The following PCNX2 variants were observed in gnomAD, a reference collection of about 807,000 sequenced individuals.
The protein encoded by PCNX2 is pecanex 2.
Under a neutral mutation model 223.8 loss-of-function variants are expected in PCNX2, and 168 were observed. The observed-to-expected ratio is 0.75, with a 90% confidence interval of 0.66 to 0.85. The LOEUF (loss-of-function observed/expected upper bound fraction) is 0.85, where lower values mean the gene tolerates loss of function less well. Among genes scored for constraint, PCNX2 ranks in the 40% least tolerant of loss-of-function variants. The pLI is 0.00. For missense variants in PCNX2, 2,507 were observed against 2,675.5 expected (o/e 0.94, Z 1.39); for synonymous variants, 1,006 against 1,052.6 (o/e 0.96, Z 0.86).
intron 32 of PCNX2, among the ~76,000 whole-genome samples, chr1:232,988,006 C>G (rs1669556187): frequency 6.6e-6 from 1 of 152,234 alleles, no homozygotes; most frequent in Non-Finnish European, 1.5e-5. Context: ...GCCCACCCGC[C>G]TCTGCTGCAG....
At chr1:233,262,538 T>C (rs1287241491) in intron 2 of PCNX2, among the ~76,000 whole-genome samples, 1 of 152,208 alleles carries the variant, frequency 6.6e-6, no homozygotes, top group Admixed American at 6.5e-5. Flanking sequence ...ACAAGAATGG[T>C]GAAAAGAATG....
At chr1:233,254,794 G>A (rs879591794) in intron 5 of PCNX2, among the ~76,000 whole-genome samples, 7 of 149,974 alleles carry the variant, frequency 4.7e-5, no homozygotes, top group Non-Finnish European at 1.0e-4. Context: ...TAATGTTATT[G>A]GATATTCATC....
At chr1:233,093,622 C>T (rs1193651861) in intron 22 of PCNX2, among the ~76,000 whole-genome samples, 1 of 152,008 alleles carries the variant, frequency 6.6e-6, no homozygotes, top group Admixed American at 6.6e-5. Flanking sequence ...CAAATATCTA[C>T]CTTTACAACT....
chr1:233,305,591 G>T, the PCNX2 span, among the ~76,000 whole-genome samples: 2 of 151,978 alleles, frequency 1.3e-5, no homozygotes, highest in African/African-American at 4.8e-5. Context: ...GACTACAGGC[G>T]TGTGCTCCCA....
rs1011741317 is a variant in PCNX2 at position 233,000,444 on chromosome 1, T to A, written c.5189A>T (p.Glu1730Val). The A allele has an allele frequency of 6.3e-7, 1 of 1,598,578 alleles. No homozygotes were observed. Among genetic ancestry groups the A allele is most frequent in the Non-Finnish European group, 8.5e-7 (1 of 1,171,152 alleles). Residue 1730 changes from glutamate to valine, a missense_variant, in exon 30 of 34, where the codon GAG (glutamate) becomes GTG (valine). Glu to Val is a moderately radical substitution (Grantham distance 121). Coordinates refer to ENST00000258229, the MANE Select transcript of PCNX2 (RefSeq NM_014801.4). The surrounding 1 kb of genome is among the most constrained non-coding windows in gnomAD (Gnocchi z 4.6). ...TGCGCCCCGCCAGGCCGGGTCGCCC[T>A]CGTGGCAGATGACCACCTTCTTCTC... ...SFEKKVVICH[E>V]GDPAWRGAVL...
chr1:233,111,441 C>A (rs949619721), intron 21 of PCNX2, among the ~76,000 whole-genome samples: 9 of 152,134 alleles, frequency 5.9e-5, no homozygotes, highest in African/African-American at 2.2e-4. Context: ...CAGAGTCTTG[C>A]TCTGTTGTCC....
chr1:233,308,846 G>T, the PCNX2 span, among the ~76,000 whole-genome samples: 2 of 152,042 alleles, frequency 1.3e-5, no homozygotes, highest in East Asian at 3.9e-4. Context: ...TAAAGTAAAA[G>T]AAACAAATGA....
At chr1:233,327,309 C>T in the PCNX2 span, among the ~76,000 whole-genome samples, 1 of 151,578 alleles carries the variant, frequency 6.6e-6, no homozygotes, top group African/African-American at 2.4e-5. Context: ...GGGCGCGGCT[C>T]ACCATTGCTC....
At chr1:233,014,639 A>G in intron 28 of PCNX2, 26 bp downstream of exon 28, 1 of 1,583,950 alleles carries the variant, frequency 6.3e-7, no homozygotes, top group Non-Finnish European at 8.7e-7. Context: ...TGTACCTAAG[A>G]GATTCTAACT....
At chr1:233,078,030 C>A (rs1363936212) in intron 23 of PCNX2, among the ~76,000 whole-genome samples, 1 of 152,192 alleles carries the variant, frequency 6.6e-6, no homozygotes, top group Non-Finnish European at 1.5e-5. Flanking sequence ...CAAGAAGCAG[C>A]AACTCTATGT....
intron 22 of PCNX2, among the ~76,000 whole-genome samples, chr1:233,091,304 T>C (rs1349860928): frequency 6.6e-6 from 1 of 152,168 alleles, no homozygotes; most frequent in Non-Finnish European, 1.5e-5. Context: ...AGGATCTTAT[T>C]TCTGTAACCC....
chr1:233,314,884 A>G, the PCNX2 span, among the ~76,000 whole-genome samples: 2 of 152,216 alleles, frequency 1.3e-5, no homozygotes, highest in Non-Finnish European at 2.9e-5. Flanking sequence ...TGACATTGTA[A>G]AAGATTAGGA....
chr1:233,298,291 G>A (rs569507433), upstream of PCNX2, among the ~76,000 whole-genome samples: 61 of 152,272 alleles, frequency 4.0e-4, no homozygotes, highest in Non-Finnish European at 5.6e-4. Flanking sequence ...CAAGAAGGAC[G>A]TGATTAATAG....
chr1:233,062,390 G>A (rs549628915), intron 23 of PCNX2, among the ~76,000 whole-genome samples: 1 of 152,114 alleles, frequency 6.6e-6, no homozygotes, highest in African/African-American at 2.4e-5. Flanking sequence ...ACTAAGAAAA[G>A]TGAGTCACAT....
chr1:233,304,726 A>C, the PCNX2 span, among the ~76,000 whole-genome samples: 1 of 152,208 alleles, frequency 6.6e-6, no homozygotes, highest in East Asian at 1.9e-4. Context: ...TAGTAAAATA[A>C]AATACGTTAT....
rs1353594030 is a variant in PCNX2 at position 233,057,304 on chromosome 1, C to A, written c.4077-14G>T. ...ACTCGCCTTGTACTAGAAGAGGCCA[C>A]AAAAGGGTAAAAGGTCATGATTAGA... On this transcript the variant is annotated splice_polypyrimidine_tract_variant and intron_variant, in intron 23 of 33. Coordinates refer to ENST00000258229, the MANE Select transcript of PCNX2 (RefSeq NM_014801.4). The A allele has an allele frequency of 6.2e-7, 1 of 1,600,652 alleles. No individual in the cohort carries two copies. Among genetic ancestry groups the A allele is most frequent in the Non-Finnish European group, 8.5e-7 (1 of 1,170,368 alleles).
At chr1:233,201,317 T>C (rs972401746) in intron 13 of PCNX2, among the ~76,000 whole-genome samples, 29 of 151,996 alleles carry the variant, frequency 1.9e-4, no homozygotes, top group Non-Finnish European at 3.7e-4. Context: ...AACTATATTG[T>C]AAAAAAGTAG....
chr1:233,178,148 C>G (rs963726159), intron 16 of PCNX2, among the ~76,000 whole-genome samples: 1 of 152,210 alleles, frequency 6.6e-6, no homozygotes, highest in Non-Finnish European at 1.5e-5. Context: ...AGCAGTGGGA[C>G]ATGGGGAAGG....
intron 1 of PCNX2, among the ~76,000 whole-genome samples, chr1:233,284,779 C>T (rs1375551479): frequency 6.6e-6 from 1 of 152,100 alleles, no homozygotes; most frequent in Non-Finnish European, 1.5e-5. Flanking sequence ...GAGGTGTGCT[C>T]ATGCAACATT....
Sources: gnomAD v4.1 joint callset for allele counts (sites outside exome capture counted in the v4.1 genomes callset) on GRCh38, gnomAD v4.1.1 for gene constraint, Gnocchi (gnomAD v3.1) non-coding constraint, MANE v1.5 for transcripts, NCBI Gene and HGNC (gene_info 2026-07-23, HGNC 2026-07-21) for gene names.